PRDM2: variants seen among roughly 807,000 people sequenced by gnomAD.
PRDM2 encodes PR domain zinc finger protein 2.
Under a neutral mutation model 130.0 loss-of-function variants are expected in PRDM2, and 30 were observed. The observed-to-expected ratio is 0.23, with a 90% CI of 0.17 to 0.31. The LOEUF (loss-of-function observed/expected upper bound fraction) is 0.31, where lower values mean the gene tolerates loss of function less well. PRDM2 is among the 10% of genes least tolerant of loss of function. The probability of loss-of-function intolerance (pLI) is 1.00; values close to 1 mark genes in which losing one functional copy is unlikely to be tolerated. For missense variants in PRDM2, 2,011 were observed against 2,108.4 expected (o/e 0.95, Z 0.90); for synonymous variants, 871 against 782.4 (o/e 1.11, Z -1.89).
chr1:13,760,829 G>A (rs1481888236), intron 6 of PRDM2, among the ~76,000 whole-genome samples: 5 of 151,016 alleles, frequency 3.3e-5, no homozygotes, highest in Non-Finnish European at 4.4e-5. Flanking sequence ...GGTAACTGCC[G>A]TTCTCTGGCC....
At chr1:13,809,142 G>A (rs1011906131) in intron 8 of PRDM2, among the ~76,000 whole-genome samples, 4 of 152,240 alleles carry the variant, frequency 2.6e-5, no homozygotes, top group Non-Finnish European at 5.9e-5. Flanking sequence ...TGGGCTGGGA[G>A]GGCAGTGCAG....
chr1:13,779,499 C>T lies in PRDM2; in HGVS notation c.1704C>T (p.Tyr568=), dbSNP rs1644557535. Residue 568 remains tyrosine (Y), a synonymous_variant, in exon 8 of 10, where the codon TAC becomes TAT. Coordinates refer to ENST00000311066, the MANE Select transcript of PRDM2 (RefSeq NM_001393986.1). This position sits in a 1 kb window ranked among gnomAD's most constrained non-coding sequence, Gnocchi z 4.9. ...ISSNISENLN[Y]YIDGKIQTNN... ...GCAATATCTCTGAAAACTTAAATTA[C>T]TATATTGATGGTAAAATTCAAACTA... 6.2e-7 allele frequency: 1 copy of T among 1,613,930 alleles called. No homozygotes were observed. Among genetic ancestry groups the T allele is most frequent in the Admixed American group, 1.7e-5 (1 of 60,006 alleles).
chr1:13,782,589 T>A lies in PRDM2; in HGVS notation c.4794T>A (p.Asn1598Lys), dbSNP rs147431796. The change falls in exon 8 of 10, where the codon AAT becomes AAA. Residue 1598 changes from asparagine to lysine, a missense_variant. Physicochemically the swap from Asn to Lys is moderately conservative, Grantham distance 94 (BLOSUM62 0). Coordinates refer to ENST00000311066, the MANE Select transcript of PRDM2 (RefSeq NM_001393986.1). ...EGKKPKAVAK[N>K]HSAQLSSKTS... ...AAAAACCTAAAGCTGTGGCCAAGAA[T>A]CATTCTGCTCAGCTTTCCAGCAAAA... The A allele has an allele frequency of 1.2e-6, 2 of 1,614,134 alleles. No individual in the cohort carries two copies. The highest frequency in any genetic ancestry group is 1.7e-5 in the Admixed American group (1 of 60,024).
intron 2 of PRDM2, among the ~76,000 whole-genome samples, chr1:13,724,876 C>G (rs78612395): frequency 6.6e-6 from 1 of 152,196 alleles, no homozygotes; most frequent in Non-Finnish European, 1.5e-5. Context: ...ATAGTTGTAA[C>G]GCTTGTAGTT....
chr1:13,737,636 T>A (rs1362383230), intron 4 of PRDM2, among the ~76,000 whole-genome samples: 10 of 152,222 alleles, frequency 6.6e-5, no homozygotes, highest in Non-Finnish European at 1.5e-4. Context: ...GTAGAATTGG[T>A]TGTCATAGAA....
chr1:13,742,244 A>G, intron 5 of PRDM2, 87 bp downstream of exon 5: 1 of 1,428,142 alleles, frequency 7.0e-7, no homozygotes, highest in Non-Finnish European at 9.7e-7. Context: ...TCTGTCTCTC[A>G]GGCTGGAGTG....
intron 5 of PRDM2, among the ~76,000 whole-genome samples, chr1:13,744,757 G>A (rs1643553254): frequency 6.6e-6 from 1 of 152,108 alleles, no homozygotes; most frequent in Admixed American, 6.5e-5. Context: ...ACATAGTTCT[G>A]ATTTTTGCAG....
intron 3 of PRDM2, 61 bp from the exon 4 acceptor site, chr1:13,732,718 A>T: frequency 8.2e-7 from 1 of 1,224,604 alleles, no homozygotes; most frequent in Non-Finnish European, 1.2e-6. Flanking sequence ...AAGCGATTTT[A>T]ATGGTTTCAA....
intron 1 of PRDM2, among the ~76,000 whole-genome samples, chr1:13,711,496 C>G (rs1642370670): frequency 6.6e-6 from 1 of 152,036 alleles, no homozygotes; most frequent in East Asian, 1.9e-4. Context: ...GGAGGCACTG[C>G]CAGTGTTGAT....
At chr1:13,729,402 C>T (rs1407031555) in intron 2 of PRDM2, among the ~76,000 whole-genome samples, 1 of 152,144 alleles carries the variant, frequency 6.6e-6, no homozygotes, top group Non-Finnish European at 1.5e-5. Context: ...GCTGATAGGA[C>T]ATCACTCTGG....
At chr1:13,716,216 C>T (rs932505998) in intron 2 of PRDM2, among the ~76,000 whole-genome samples, 1 of 149,418 alleles carries the variant, frequency 6.7e-6, no homozygotes, top group Non-Finnish European at 1.5e-5. Flanking sequence ...AACCAAACAC[C>T]GCATATTCTT....
intron 4 of PRDM2, among the ~76,000 whole-genome samples, chr1:13,739,889 T>G (rs1238079829): frequency 2.6e-5 from 4 of 152,220 alleles, no homozygotes; most frequent in Admixed American, 2.6e-4. Flanking sequence ...GAAATTTTTT[T>G]TGTGTGCCCA....
intron 9 of PRDM2, 72 bp from the exon 10 acceptor site, chr1:13,823,087 A>G: frequency 4.9e-6 from 7 of 1,419,738 alleles, no homozygotes; most frequent in Non-Finnish European, 4.9e-6. Flanking sequence ...AAGTGCAATA[A>G]CGCATGGACC....
chr1:13,734,253 A>G (rs767908993), intron 4 of PRDM2, among the ~76,000 whole-genome samples: 2 of 152,234 alleles, frequency 1.3e-5, no homozygotes, highest in Non-Finnish European at 2.9e-5. Context: ...TAATGCCTGC[A>G]TGATTAAAAA....
At position 13,780,703 on chromosome 1, in the gene PRDM2, C is replaced by G; in HGVS notation, c.2908C>G (p.Pro970Ala). 1.2e-6 allele frequency: 2 copies of G among 1,603,954 alleles called. No individual in the cohort carries two copies. The highest frequency in any genetic ancestry group is 8.5e-7 in the Non-Finnish European group (1 of 1,173,908). The change falls in exon 8 of 10, where the codon CCC becomes GCC. Residue 970 changes from proline to alanine, a missense_variant. Pro to Ala is a conservative substitution (Grantham distance 27, BLOSUM62 -1). Transcript: ENST00000311066. ...QLPPLLIPTD[P>A]SSPPPCPPVL... is the part of the protein sequence containing the mutation. ...GCCTCCTCTCTTGATCCCCACAGAT[C>G]CCTCTTCCCCTCCACCCTGTCCCCC...
At chr1:13,705,516 A>G (rs1482662420) in intron 1 of PRDM2, 1 of 150,960 alleles carries the variant, frequency 6.6e-6, no homozygotes. Flanking sequence ...TGCACCGTCT[A>G]CCCTTCTCTG....
At chr1:13,731,420 A>G (rs531722688) in intron 3 of PRDM2, among the ~76,000 whole-genome samples, 19 of 152,280 alleles carry the variant, frequency 1.2e-4, no homozygotes, top group African/African-American at 4.3e-4. Context: ...CTCACCCCAC[A>G]GAACGTGTTG....
At chr1:13,768,707 C>T (rs1324078115) in intron 6 of PRDM2, among the ~76,000 whole-genome samples, 3 of 152,198 alleles carry the variant, frequency 2.0e-5, no homozygotes, top group Non-Finnish European at 2.9e-5. Flanking sequence ...TCTGGCTTTA[C>T]AGCTACTGTA....
At chr1:13,786,307 C>G (rs1331219607) in intron 8 of PRDM2, among the ~76,000 whole-genome samples, 1 of 152,138 alleles carries the variant, frequency 6.6e-6, no homozygotes, top group Non-Finnish European at 1.5e-5. Flanking sequence ...GCCTCCATCT[C>G]TGCTACATCC....
Sources: gnomAD v4.1 joint callset for allele counts (sites outside exome capture counted in the v4.1 genomes callset) on GRCh38, gnomAD v4.1.1 for gene constraint, Gnocchi (gnomAD v3.1) non-coding constraint, MANE v1.5 for transcripts, NCBI Gene and HGNC (gene_info 2026-07-23, HGNC 2026-07-21) for gene names.